Variants in FRY observed in about 807,000 individuals in gnomAD.
FRY encodes the protein FRY microtubule binding protein, also known as protein furry homolog.
A neutral mutation model predicts 348.4 loss-of-function variants in FRY; 128 were observed. The observed-to-expected ratio is 0.37, with a 90% CI of 0.32 to 0.43. FRY has a LOEUF of 0.43. FRY is among the 20% of genes least tolerant of loss of function. The pLI is 1.00. For synonymous variants in FRY, 1,370 were observed against 1,374.7 expected (o/e 1.00, Z 0.08); for missense variants, 2,736 against 3,695.2 (o/e 0.74, Z 6.73).
intron 10 of FRY, among the ~76,000 whole-genome samples, chr13:32,136,078 A>C (rs1879696643): frequency 6.6e-6 from 1 of 152,104 alleles, no homozygotes; most frequent in African/African-American, 2.4e-5. Context: ...CATTGTGGGC[A>C]GTTGTTTCTT....
chr13:32,215,662 C>CA (rs1884948723), intron 35 of FRY, among the ~76,000 whole-genome samples: 3 of 152,212 alleles, frequency 2.0e-5, no homozygotes, highest in Admixed American at 2.0e-4. Flanking sequence ...CTCAGCCTCC[C>CA]AGGCTCAAGC....
chr13:32,111,727 T>A (rs1446473031), intron 3 of FRY, among the ~76,000 whole-genome samples: 2 of 152,220 alleles, frequency 1.3e-5, no homozygotes, highest in Non-Finnish European at 2.9e-5. Flanking sequence ...GAGGGTTGTG[T>A]CCATTTGTCA....
intron 2 of FRY, among the ~76,000 whole-genome samples, chr13:32,099,684 T>G (rs1398877387): frequency 6.6e-6 from 1 of 152,024 alleles, no homozygotes; most frequent in Non-Finnish European, 1.5e-5. Flanking sequence ...TGAAATGCAT[T>G]GAAAACAGAA....
Position 32,031,813 on chromosome 13 carries a change from T to G in FRY, c.18T>G (p.Asp6Glu). The G allele has an allele frequency of 1.9e-6, 3 of 1,607,772 alleles. No homozygotes were observed. Among genetic ancestry groups the G allele is most frequent in the Non-Finnish European group, 2.6e-6 (3 of 1,175,540 alleles). Residue 6 changes from aspartate to glutamate, a missense_variant, in exon 1 of 61, where the codon GAT becomes GAG. Coordinates refer to ENST00000542859, the MANE Select transcript of FRY (RefSeq NM_023037.3). ...CCGCAGACATGGCCAGCCAGCAGGA[T>G]TCGGGCTTCTTTGAGATCAGTATCA... MASQQ[D>E]SGFFEISIKY...
chr13:32,234,320 G>A (rs1229349157), intron 41 of FRY, among the ~76,000 whole-genome samples: 2 of 151,924 alleles, frequency 1.3e-5, no homozygotes, highest in African/African-American at 4.8e-5. Context: ...CTACTTGGGA[G>A]ACTGAGGTGG....
At chr13:32,180,723 C>G (rs542689874) in intron 23 of FRY, among the ~76,000 whole-genome samples, 1 of 152,042 alleles carries the variant, frequency 6.6e-6, no homozygotes, top group African/African-American at 2.4e-5. Context: ...GCAACAAAAC[C>G]CTATAAAGAC....
In FRY at chr13:32,139,035, T is replaced by A. The variant is rs79706823; in HGVS notation, c.1179+2063T>A. Among the ~76,000 whole-genome samples, 817 of 152,246 alleles carry A rather than the reference T, an allele frequency of 5.4e-3. 5 individuals are homozygous for A. Among genetic ancestry groups the A allele is most frequent in the African/African-American group, 0.019 (786 of 41,532 alleles). On this transcript the variant is annotated intron_variant, in intron 11 of 60. Transcript: ENST00000542859. ...TAATAATCTATTTGAATTCACTACGTCAAGGCTAAAAGATATAAAAATATC... is the reference window on the plus strand; with the variant it reads ...TAATAATCTATTTGAATTCACTACGACAAGGCTAAAAGATATAAAAATATC...
intron 32 of FRY, among the ~76,000 whole-genome samples, 168 bp downstream of exon 32, chr13:32,209,277 G>A (rs1206674918): frequency 6.6e-6 from 1 of 152,136 alleles, no homozygotes; most frequent in East Asian, 1.9e-4. Context: ...GCCACAGGCT[G>A]TACACTTACA....
intron 58 of FRY, among the ~76,000 whole-genome samples, chr13:32,282,907 G>A (rs1035148956): frequency 4.6e-5 from 7 of 152,018 alleles, no homozygotes; most frequent in Admixed American, 1.3e-4. Context: ...CTTTGGGAGC[G>A]TGAGGCAGGT....
chr13:32,234,766 G>A lies in FRY; in HGVS notation c.5715+5G>A, dbSNP rs375111288. 3.7e-6 allele frequency: 6 copies of A among 1,612,316 alleles called. No homozygotes were observed. In the African/African-American group the frequency reaches 8.0e-5, roughly 22 times the overall value. ...GAACATGGAGATGAGATTCAGGTAT[G>A]GAAGGGAAGACCACTGAGCTCGTGA... On this transcript the variant is annotated splice_donor_5th_base_variant and intron_variant, in intron 42 of 60. Coordinates refer to ENST00000542859, the MANE Select transcript of FRY (RefSeq NM_023037.3).
At chr13:32,088,140 A>T (rs2138572134) in intron 2 of FRY, among the ~76,000 whole-genome samples, 1 of 152,314 alleles carries the variant, frequency 6.6e-6, no homozygotes, top group South Asian at 2.1e-4. Flanking sequence ...AGCTTCCCAG[A>T]AGGATAATCA....
rs1257144210 is a variant in FRY at position 32,278,518 on chromosome 13, T to C, written c.8439T>C (p.Ile2813=). The change falls in exon 58 of 61, where the codon ATT becomes ATC. Residue 2813 remains isoleucine, a synonymous_variant. Coordinates refer to ENST00000542859, the MANE Select transcript of FRY (RefSeq NM_023037.3). The part of the protein sequence containing the change: ...TFAGGSRDGV[I]TCQPGDSEEK... ...CAGGGGGATCAAGAGATGGAGTAAT[T>C]ACCTGTCAACCAGGGGACTCCGAAG... 6.3e-7 allele frequency: 1 copy of C among 1,594,944 alleles called. No homozygotes were observed. Among genetic ancestry groups the C allele is most frequent in the Non-Finnish European group, 8.6e-7 (1 of 1,162,556 alleles).
intron 49 of FRY, 85 bp downstream of exon 49, chr13:32,249,772 C>T (rs1214089931): frequency 4.7e-6 from 6 of 1,265,376 alleles, no homozygotes; most frequent in Non-Finnish European, 5.7e-6. Flanking sequence ...GATTCCCTCT[C>T]ACCATCCCAA....
intron 11 of FRY, among the ~76,000 whole-genome samples, chr13:32,146,497 A>T (rs901595441): frequency 4.0e-5 from 6 of 151,824 alleles, no homozygotes; most frequent in African/African-American, 1.5e-4. Context: ...CACCAGGCCC[A>T]GCTAATTTTT....
At chr13:32,156,996 T>G (rs1223732274) in intron 15 of FRY, among the ~76,000 whole-genome samples, 1 of 152,224 alleles carries the variant, frequency 6.6e-6, no homozygotes, top group Non-Finnish European at 1.5e-5. Context: ...AATTTGAATT[T>G]TGTATTTTCT....
rs1187598714 is a variant in FRY, at chr13:32,165,803, C to A, written c.1892+4552C>A. ...CCATCAGAATCTGAAGCTTACCTTA[C>A]ACAAGTGTTTTCCATTAAAAGTCAT... On this transcript the variant is annotated intron_variant, in intron 17 of 60. Transcript: ENST00000542859. 2.6e-5 allele frequency among the ~76,000 whole-genome samples: 4 copies of A among 152,214 alleles called. No individual in the cohort carries two copies. In the East Asian group the frequency reaches 7.7e-4, roughly 29 times the overall value.
intron 2 of FRY, among the ~76,000 whole-genome samples, chr13:32,088,290 G>A (rs1876020355): frequency 6.6e-6 from 1 of 152,184 alleles, no homozygotes; most frequent in Non-Finnish European, 1.5e-5. Flanking sequence ...ATGCTGTCCT[G>A]AAAAGAGACT....
intron 3 of FRY, among the ~76,000 whole-genome samples, chr13:32,114,815 G>T (rs540219555): frequency 9.8e-5 from 15 of 152,300 alleles, no homozygotes; most frequent in African/African-American, 3.6e-4. Flanking sequence ...ACTTTAGAAA[G>T]AATTAGTGAA....
At chr13:32,241,788 T>C (rs552116697) in intron 46 of FRY, among the ~76,000 whole-genome samples, 2 of 152,332 alleles carry the variant, frequency 1.3e-5, no homozygotes, top group East Asian at 3.9e-4. Flanking sequence ...CATAAAAAAA[T>C]TGGTTATCTA....
Sources: allele counts gnomAD v4.1 joint callset (sites outside exome capture counted in the v4.1 genomes callset), GRCh38; gene constraint gnomAD v4.1.1; transcripts MANE v1.5; gene names NCBI Gene and HGNC (gene_info 2026-07-23, HGNC 2026-07-21).